The following AGBL4 variants were observed in gnomAD, a reference collection of about 807,000 sequenced individuals.
AGBL4 encodes AGBL carboxypeptidase 4.
In AGBL4, 58 loss-of-function variants were observed where a neutral mutation model predicts 66.4. That is an observed-to-expected ratio of 0.87 (90% CI 0.71 to 1.09). AGBL4 has a LOEUF of 1.09. AGBL4 is among the 50% of genes least tolerant of loss of function. AGBL4 has a pLI of 0.00. For synonymous variants in AGBL4, 234 were observed against 222.9 expected, an observed-to-expected ratio of 1.05 and a Z score of -0.44; for missense variants, 579 against 631.0, an observed-to-expected ratio of 0.92 and a Z score of 0.88.
intron 4 of AGBL4, among the ~76,000 whole-genome samples, chr1:49,151,237 C>T (rs987601897): frequency 2.0e-5 from 3 of 148,260 alleles, no homozygotes; most frequent in Non-Finnish European, 4.5e-5. Context: ...CCACTGCACT[C>T]CAGCCTAGGT....
At chr1:48,689,403 A>ACCTTCCTT (rs752041153) in intron 6 of AGBL4, among the ~76,000 whole-genome samples, 35 of 143,410 alleles carry the variant, frequency 2.4e-4, no homozygotes, top group Non-Finnish European at 4.5e-4. Flanking sequence ...CTACCTACCT[A>ACCTTCCTT]CCTTCCTTCC....
chr1:48,867,218 G>A lies in AGBL4; in HGVS notation c.607C>T (p.Leu203Phe), dbSNP rs1648189824. ...GGGCTGGTTATCGTCAGGAGGTCAA[G>A]CTTTCGTTGTTGCTGCAAAAGAAAA... ...QLGQSVQQRK[L>F]DLLTITSPDN... The change falls in exon 6 of 14, where the codon CTT becomes TTT. Residue 203 changes from leucine (L) to phenylalanine (F), a missense_variant. Leu to Phe is a conservative substitution (Grantham distance 22). Transcript: ENST00000371839. 6.2e-7 allele frequency: 1 copy of A among 1,613,610 alleles called. No homozygotes were observed. The highest frequency in any genetic ancestry group is 1.1e-5 in the South Asian group (1 of 90,934).
chr1:48,709,191 C>T (rs1050145941), intron 6 of AGBL4, among the ~76,000 whole-genome samples: 7 of 152,226 alleles, frequency 4.6e-5, no homozygotes, highest in African/African-American at 1.7e-4. Flanking sequence ...TGCCACTTCA[C>T]CTCCGCCTTT....
At chr1:48,833,227 C>T (rs1358859410) in intron 6 of AGBL4, among the ~76,000 whole-genome samples, 2 of 152,088 alleles carry the variant, frequency 1.3e-5, no homozygotes, top group Non-Finnish European at 2.9e-5. Context: ...GACATATGAA[C>T]ATTAAAAGCA....
chr1:49,535,065 T>C (rs1228482458), intron 3 of AGBL4, among the ~76,000 whole-genome samples: 2 of 152,176 alleles, frequency 1.3e-5, no homozygotes, highest in Non-Finnish European at 2.9e-5. Context: ...GGACTTTGTC[T>C]TCAATATTGA....
intron 3 of AGBL4, among the ~76,000 whole-genome samples, chr1:49,432,053 C>T (rs1191746977): frequency 1.3e-5 from 2 of 152,036 alleles, no homozygotes; most frequent in African/African-American, 2.4e-5. Context: ...TTATATGACC[C>T]ATTTAGGATT....
intron 6 of AGBL4, among the ~76,000 whole-genome samples, chr1:48,814,975 A>G (rs976744071): frequency 6.6e-6 from 1 of 152,164 alleles, no homozygotes; most frequent in African/African-American, 2.4e-5. Flanking sequence ...AGGAAACTCC[A>G]TACTGTTCTC....
rs1224944889 is a variant in AGBL4 at position 49,892,141 on chromosome 1, C to A, written c.35-40623G>T. Among the ~76,000 whole-genome samples, 3 of 152,294 alleles carry A rather than the reference C, an allele frequency of 2.0e-5. No individual in the cohort carries two copies. In the South Asian group the frequency reaches 6.2e-4, roughly 32 times the overall value. On this transcript the variant is annotated intron_variant, in intron 1 of 13. Coordinates refer to ENST00000371839, the MANE Select transcript of AGBL4 (RefSeq NM_032785.4). Reference sequence around the variant, plus strand: ...TCCTTTCCTGGAAGTTCACCAGAAGCACCAACAAATAGTATCTTCTCAACC... The same window carrying A: ...TCCTTTCCTGGAAGTTCACCAGAAGAACCAACAAATAGTATCTTCTCAACC...
chr1:48,647,593 C>A (rs1019220962), intron 8 of AGBL4: 4 of 453,600 alleles, frequency 8.8e-6, no homozygotes, highest in Non-Finnish European at 1.8e-5. Context: ...ATGGAATACA[C>A]AATGACAAGC....
chr1:49,301,637 G>A (rs1222733184), intron 3 of AGBL4, among the ~76,000 whole-genome samples: 4 of 152,172 alleles, frequency 2.6e-5, no homozygotes, highest in African/African-American at 9.7e-5. Flanking sequence ...TTTGCTTCCT[G>A]CTCAGGAGCC....
At chr1:49,934,864 G>A (rs1050926950) in intron 1 of AGBL4, among the ~76,000 whole-genome samples, 2 of 150,926 alleles carry the variant, frequency 1.3e-5, no homozygotes, top group African/African-American at 4.9e-5. Context: ...CAAGATGGCC[G>A]AATAGGAACA....
At chr1:48,579,915 CAAAAAAA>C (rs35518235) in intron 11 of AGBL4, among the ~76,000 whole-genome samples, 2 of 65,736 alleles carry the variant, frequency 3.0e-5, no homozygotes, top group Admixed American at 1.8e-4. Context: ...GACTCCGCCT[CAAAAAAA>C]AAAAAAAAAA....
rs557900345 is a variant in AGBL4, at chr1:49,851,454, A to G, written c.99T>C (p.Thr33=). The G allele has an allele frequency of 9.7e-6, 15 of 1,550,704 alleles. No homozygotes were observed. In the East Asian group the frequency reaches 3.4e-4, roughly 35 times the overall value. The change falls in exon 2 of 14, where the codon ACT becomes ACC. Residue 33 remains threonine, a synonymous_variant. Transcript: ENST00000371839. Reference sequence around the variant, plus strand: ...CTTTCTTGGGCTGTCCACAATAGCCAGTTGGAAGCACTATATATTTGCTCA... The same window carrying G: ...CTTTCTTGGGCTGTCCACAATAGCCGGTTGGAAGCACTATATATTTGCTCA... ...GNVSKYIVLP[T]GYCGQPKKGH...
At position 49,144,878 on chromosome 1, in the gene AGBL4, A is replaced by G. The variant is rs190165315; in HGVS notation, c.378-99078T>C. On this transcript the variant is annotated intron_variant, in intron 4 of 13. Coordinates refer to ENST00000371839, the MANE Select transcript of AGBL4 (RefSeq NM_032785.4). The stretch of plus-strand genomic sequence containing the variant: ...AGGATTCTAGGCTGAGGTCACATTG[A>G]AAGCAAAGGCAATGGGGTTGGTGGT... 2.6e-5 allele frequency among the ~76,000 whole-genome samples: 4 copies of G among 152,236 alleles called. No individual in the cohort carries two copies. In the East Asian group the frequency reaches 7.7e-4, roughly 29 times the overall value.
chr1:49,838,405 A>C (rs998927805), intron 2 of AGBL4, among the ~76,000 whole-genome samples: 1 of 152,212 alleles, frequency 6.6e-6, no homozygotes, highest in Admixed American at 6.5e-5. Context: ...AGGTAGCTAG[A>C]AGCCAGTTGA....
intron 4 of AGBL4, among the ~76,000 whole-genome samples, chr1:49,104,545 G>A (rs904710603): frequency 3.9e-5 from 6 of 152,106 alleles, no homozygotes; most frequent in Admixed American, 3.9e-4. Flanking sequence ...CATGGAAGAA[G>A]GGGAGATCAG....
chr1:49,294,216 A>G lies in AGBL4; in HGVS notation c.283-48352T>C, dbSNP rs536859817. Among the ~76,000 whole-genome samples, 10 of 152,330 alleles carry G rather than the reference A, an allele frequency of 6.6e-5. No individual in the cohort carries two copies. In the East Asian group the frequency reaches 1.7e-3, roughly 26 times the overall value. ...TTGATATTAATGGTATGTAACTCCC[A>G]ATGTTATAGGGAGACTACATTTCCT... On this transcript the variant is annotated intron_variant, in intron 3 of 13. Transcript: ENST00000371839.
chr1:49,096,989 C>G (rs913360922), intron 4 of AGBL4, among the ~76,000 whole-genome samples: 1 of 152,130 alleles, frequency 6.6e-6, no homozygotes, highest in African/African-American at 2.4e-5. Context: ...AAAAGACTCT[C>G]CCCTGGAGAA....
intron 4 of AGBL4, among the ~76,000 whole-genome samples, chr1:49,198,104 C>G (rs1359524023): frequency 6.6e-6 from 1 of 151,960 alleles, no homozygotes; most frequent in Non-Finnish European, 1.5e-5. Flanking sequence ...GGTCAAGGTG[C>G]TCTCCTGTGG....
Sources: allele counts gnomAD v4.1 joint callset (sites outside exome capture counted in the v4.1 genomes callset), GRCh38; gene constraint gnomAD v4.1.1; transcripts MANE v1.5; gene names NCBI Gene and HGNC (gene_info 2026-07-23, HGNC 2026-07-21).